Variants in PCDH7 observed in about 807,000 individuals in gnomAD.
The protein encoded by PCDH7 is protocadherin 7, also known as protocadherin-7.
In PCDH7, 17 loss-of-function variants were observed where a neutral mutation model predicts 58.9. The ratio of observed to expected loss-of-function variants is 0.29; its 90% CI spans 0.20 to 0.43. The LOEUF is 0.43. Ranked by LOEUF, PCDH7 falls within the 20% of genes least tolerant of loss-of-function variation. The pLI, the probability that PCDH7 is intolerant of heterozygous loss-of-function variation, is 1.00. For synonymous variants in PCDH7, 664 were observed against 616.4 expected, an observed-to-expected ratio of 1.08 and a Z score of -1.14; for missense variants, 1,274 against 1,441.0, an observed-to-expected ratio of 0.88 and a Z score of 1.88.
chr4:30,724,615 A>T lies in PCDH7; in HGVS notation c.3174+19A>T. 3 of 1,609,396 alleles carry T rather than the reference A, an allele frequency of 1.9e-6. No individual in the cohort carries two copies. Among genetic ancestry groups the T allele is most frequent in the Non-Finnish European group, 2.5e-6 (3 of 1,176,630 alleles). On this transcript the variant is annotated intron_variant, in intron 1 of 1. Coordinates refer to ENST00000361762, the Ensembl canonical transcript of PCDH7. The stretch of plus-strand genomic sequence containing the variant: ...CAAACAGGTAAGATGTATCCCAAAT[A>T]TATTTAAATATCCCAGGGAGGGCTA...
rs1402732704 is a variant in PCDH7, at chr4:30,920,377, C to T, written c.287+8C>T. On this transcript the variant is annotated splice_region_variant and intron_variant, in intron 2 of 3. Coordinates refer to the PCDH7 transcript ENST00000509759. ...CAGAGCATATGGAAAATGGTAGGGG[C>T]AAACACAACATCCACACACATAATC... 7.3e-7 allele frequency: 1 copy of T among 1,364,124 alleles called. No individual in the cohort carries two copies. Among genetic ancestry groups the T allele is most frequent in the East Asian group, 4.6e-5 (1 of 21,882 alleles). The allele number at this position is 1,364,124 out of a possible 1,614,324, so 84.5% of individuals were successfully genotyped here. A position where few individuals can be genotyped will look rare whatever the true frequency, so the allele number is the denominator to read the frequency against.
intron 1 of PCDH7, among the ~76,000 whole-genome samples, chr4:30,906,425 A>C (rs1578241360): frequency 6.6e-6 from 1 of 152,180 alleles, no homozygotes; most frequent in East Asian, 1.9e-4. Context: ...CCCCTAATTC[A>C]GTTATTTCCA....
chr4:30,948,164 T>C (rs1746941691), intron 2 of PCDH7, among the ~76,000 whole-genome samples: 2 of 152,082 alleles, frequency 1.3e-5, no homozygotes, highest in African/African-American at 4.8e-5. Context: ...ATAAGTATAC[T>C]TTTCATTACT....
intron 3 of PCDH7, among the ~76,000 whole-genome samples, chr4:31,129,413 A>G (rs1365940217): frequency 6.6e-6 from 1 of 152,146 alleles, no homozygotes; most frequent in Non-Finnish European, 1.5e-5. Flanking sequence ...TCATGAATAC[A>G]TTGAACAACA....
At chr4:30,739,135 A>T (rs1464596378) in intron 1 of PCDH7, among the ~76,000 whole-genome samples, 1 of 146,744 alleles carries the variant, frequency 6.8e-6, no homozygotes, top group South Asian at 2.1e-4. Context: ...TTTATATATA[A>T]AAATATATAT....
chr4:30,994,236 A>G (rs1022282000), intron 3 of PCDH7, among the ~76,000 whole-genome samples: 1 of 152,284 alleles, frequency 6.6e-6, no homozygotes, highest in South Asian at 2.1e-4. Flanking sequence ...AAATTATCTC[A>G]AAGTATAAGA....
intron 1 of PCDH7, among the ~76,000 whole-genome samples, chr4:30,898,752 G>A (rs901468151): frequency 4.6e-5 from 7 of 152,070 alleles, no homozygotes; most frequent in South Asian, 4.1e-4. Flanking sequence ...CACCACGCCC[G>A]GCTAATTTTT....
At chr4:30,759,450 T>G (rs1411826811) in intron 1 of PCDH7, among the ~76,000 whole-genome samples, 1 of 152,184 alleles carries the variant, frequency 6.6e-6, no homozygotes, top group Non-Finnish European at 1.5e-5. Flanking sequence ...GTAAAGGATC[T>G]TTGAAAGACG....
intron 1 of PCDH7, among the ~76,000 whole-genome samples, chr4:30,766,685 TGTCA>T (rs1324578337): frequency 6.6e-6 from 1 of 151,992 alleles, no homozygotes. Context: ...TGTGTATATG[TGTCA>T]GTAAGACAGT....
chr4:31,067,839 A>C (rs1758219360), intron 3 of PCDH7, among the ~76,000 whole-genome samples: 1 of 151,962 alleles, frequency 6.6e-6, no homozygotes, highest in Admixed American at 6.6e-5. Flanking sequence ...AGGTGCTGTG[A>C]AGTTGCTGGA....
chr4:30,896,782 A>T (rs1435916374), intron 1 of PCDH7, among the ~76,000 whole-genome samples: 1 of 151,630 alleles, frequency 6.6e-6, no homozygotes, highest in Admixed American at 6.6e-5. Flanking sequence ...AAAACACACA[A>T]ATTATTTGCA....
intron 3 of PCDH7, among the ~76,000 whole-genome samples, chr4:30,997,442 A>G (rs1752000181): frequency 6.6e-6 from 1 of 152,206 alleles, no homozygotes; most frequent in Non-Finnish European, 1.5e-5. Context: ...CCCTATGACT[A>G]TATAATTTAG....
At chr4:30,891,619 TTC>T (rs1309129125) in intron 1 of PCDH7, among the ~76,000 whole-genome samples, 2 of 152,032 alleles carry the variant, frequency 1.3e-5, no homozygotes, top group Non-Finnish European at 2.9e-5. Flanking sequence ...TCCACTATTT[TTC>T]TCTTTTAGCT....
exon 1 of PCDH7, chr4:30,724,432 A>G (rs760455591): frequency 1.2e-6 from 2 of 1,613,954 alleles, no homozygotes; most frequent in African/African-American, 2.7e-5. Flanking sequence ...CCCATTGCCT[A>G]CTGTTCAGCT....
chr4:30,800,316 A>C (rs2109305717), intron 1 of PCDH7, among the ~76,000 whole-genome samples: 1 of 152,298 alleles, frequency 6.6e-6, no homozygotes, highest in Non-Finnish European at 1.5e-5. Context: ...ACACATATAT[A>C]TACACATACA....
chr4:31,031,224 C>A (rs1464838909), intron 3 of PCDH7, among the ~76,000 whole-genome samples: 1 of 152,080 alleles, frequency 6.6e-6, no homozygotes, highest in Non-Finnish European at 1.5e-5. Flanking sequence ...ACCTCCCCGA[C>A]CCCCCAAGGG....
intron 1 of PCDH7, among the ~76,000 whole-genome samples, chr4:30,865,185 TA>T (rs1307161931): frequency 1.3e-5 from 2 of 151,908 alleles, no homozygotes; most frequent in East Asian, 1.9e-4. Flanking sequence ...AAAAGCCATA[TA>T]AAAAAAGGCT....
At chr4:30,958,847 A>G (rs911553814) in intron 3 of PCDH7, among the ~76,000 whole-genome samples, 1 of 152,078 alleles carries the variant, frequency 6.6e-6, no homozygotes, top group Non-Finnish European at 1.5e-5. Context: ...TTTAAGATTA[A>G]GTTTTTAAGA....
At chr4:30,991,457 C>G (rs1435724986) in intron 3 of PCDH7, among the ~76,000 whole-genome samples, 1 of 152,184 alleles carries the variant, frequency 6.6e-6, no homozygotes, top group African/African-American at 2.4e-5. Context: ...AAAATCAGCA[C>G]TTAGCCCTTA....
Sources: allele counts gnomAD v4.1 joint callset (sites outside exome capture counted in the v4.1 genomes callset), GRCh38; gene constraint gnomAD v4.1.1; transcripts MANE v1.5; gene names NCBI Gene and HGNC (gene_info 2026-07-23, HGNC 2026-07-21).